The following PCDHGA1 variants were observed in gnomAD, a reference collection of about 807,000 sequenced individuals.
PCDHGA1 encodes the protein protocadherin gamma-A1.
In PCDHGA1, 32 loss-of-function variants were observed where a neutral mutation model predicts 58.0. That is an observed-to-expected ratio of 0.55 (90% CI 0.42 to 0.74). PCDHGA1 has a LOEUF of 0.74. Ranked by LOEUF, PCDHGA1 falls within the 30% of genes least tolerant of loss-of-function variation. PCDHGA1 has a pLI of 0.00. For missense variants in PCDHGA1, 1,205 were observed against 1,182.3 expected (o/e 1.02, Z -0.28); for synonymous variants, 498 against 501.1 (o/e 0.99, Z 0.08).
At chr5:141,374,857 C>T in intron 1 of PCDHGA1, 1 of 1,613,768 alleles carries the variant, frequency 6.2e-7, no homozygotes, top group East Asian at 2.2e-5. Context: ...TGCCAGTAGG[C>T]ACACCAGTGT....
chr5:141,362,138 T>A, intron 1 of PCDHGA1: 2 of 1,614,032 alleles, frequency 1.2e-6, no homozygotes, highest in Non-Finnish European at 1.7e-6. Flanking sequence ...GCGGATAGCC[T>A]GCAAGAGGTA....
intron 1 of PCDHGA1, chr5:141,350,977 T>A: frequency 6.2e-7 from 1 of 1,614,064 alleles, no homozygotes; most frequent in Non-Finnish European, 8.5e-7. Flanking sequence ...CTCCCGTGTT[T>A]AGCCAGGAGG....
chr5:141,393,947 G>C, intron 1 of PCDHGA1: 1 of 1,613,972 alleles, frequency 6.2e-7, no homozygotes, highest in South Asian at 1.1e-5. Context: ...ACTCTGGAAA[G>C]AATGGTCAAG....
chr5:141,351,239 T>C (rs1370270183), intron 1 of PCDHGA1: 4 of 1,613,940 alleles, frequency 2.5e-6, no homozygotes, highest in Non-Finnish European at 3.4e-6. Flanking sequence ...CACAGCTCAC[T>C]GTAATGTTCA....
At chr5:141,418,752 C>T (rs2096284996) in intron 1 of PCDHGA1, 1 of 1,613,874 alleles carries the variant, frequency 6.2e-7, no homozygotes, top group African/African-American at 1.3e-5. Flanking sequence ...GATTACACTA[C>T]AGGAAACATT....
chr5:141,344,968 C>T lies in PCDHGA1; in HGVS notation c.2421+11863C>T, dbSNP rs761849653. ...TTAAAAAGTCTAGATTATGAGGATG[C>T]CATGTTCTATGAAATTAAAATTGAA... is the stretch of plus-strand genomic sequence containing the variant. On this transcript the variant is annotated intron_variant, in intron 1 of 3. Coordinates refer to ENST00000517417, the MANE Select transcript of PCDHGA1 (RefSeq NM_018912.3). 3.1e-6 allele frequency: 5 copies of T among 1,613,558 alleles called. No homozygotes were observed. In the South Asian group the frequency reaches 4.4e-5, roughly 14 times the overall value.
intron 1 of PCDHGA1, chr5:141,403,714 C>A: frequency 1.2e-6 from 2 of 1,613,910 alleles, no homozygotes; most frequent in South Asian, 1.1e-5. Context: ...TCCTTGAGAA[C>A]GTGCCCCCAG....
In PCDHGA1 at chr5:141,491,359, G is replaced by C. The variant is rs764159829; in HGVS notation, c.2422-3448G>C. 3 of 1,614,154 alleles carry C rather than the reference G, an allele frequency of 1.9e-6. No homozygotes were observed. In the East Asian group the frequency reaches 6.7e-5, roughly 36 times the overall value. On this transcript the variant is annotated intron_variant, in intron 1 of 3. Coordinates refer to ENST00000517417, the MANE Select transcript of PCDHGA1 (RefSeq NM_018912.3). This position sits in a 1 kb window ranked among gnomAD's most constrained non-coding sequence, Gnocchi z 6.9. ...AGCGACCGTCAGTCTCTTATCCCTA[G>C]TCACCTTCACCTTTCTGTCAGCGAA...
At position 141,414,031 on chromosome 5, in the gene PCDHGA1, C is replaced by G. The variant is rs900884760; in HGVS notation, c.2422-80776C>G. The G allele has an allele frequency of 1.2e-6, 2 of 1,611,740 alleles. No homozygotes were observed. The highest frequency in any genetic ancestry group is 2.7e-5 in the African/African-American group (2 of 74,762). On this transcript the variant is annotated intron_variant, in intron 1 of 3. Coordinates refer to ENST00000517417, the MANE Select transcript of PCDHGA1 (RefSeq NM_018912.3). ...CAATGGAGAAGTGACATATTCATTC[C>G]GAAAATTACCTGACACGCAATTGTT... is the stretch of plus-strand genomic sequence containing the variant.
rs1416883218 is a variant in PCDHGA1, at chr5:141,428,027, G to A, written c.2422-66780G>A. On this transcript the variant is annotated intron_variant, in intron 1 of 3. Coordinates refer to ENST00000517417, the MANE Select transcript of PCDHGA1 (RefSeq NM_018912.3). ...TCGATATAGTGCCACGCGCCGCAGAGTCCGGCTACCTGGTGACCAAGGTGG... is the reference window on the plus strand; with the variant it reads ...TCGATATAGTGCCACGCGCCGCAGAATCCGGCTACCTGGTGACCAAGGTGG... 1.9e-6 allele frequency: 3 copies of A among 1,606,742 alleles called. No homozygotes were observed. The Admixed American group carries it at 5.0e-5, about 27-fold the overall frequency.
At chr5:141,447,197 T>C (rs1249080495) in intron 1 of PCDHGA1, among the ~76,000 whole-genome samples, 7 of 152,188 alleles carry the variant, frequency 4.6e-5, no homozygotes, top group Admixed American at 4.6e-4. Context: ...TGGAGTGCAA[T>C]GGCTTGATCT....
chr5:141,458,718 C>T (rs569153299), intron 1 of PCDHGA1, among the ~76,000 whole-genome samples: 3 of 151,942 alleles, frequency 2.0e-5, no homozygotes, highest in African/African-American at 4.8e-5. Context: ...TACAGGTATT[C>T]GCCACCACAT....
chr5:141,405,242 A>G, intron 1 of PCDHGA1: 1 of 1,614,156 alleles, frequency 6.2e-7, no homozygotes, highest in Non-Finnish European at 8.5e-7. Flanking sequence ...CGCTGACTCA[A>G]GGAAGAGTCA....
Position 141,510,980 on chromosome 5 carries a change from G to C in PCDHGA1, c.2603G>C (p.Gly868Ala), listed in dbSNP as rs1466168256. 12 of 1,614,170 alleles carry C rather than the reference G, an allele frequency of 7.4e-6. No individual in the cohort carries two copies. The highest frequency in any genetic ancestry group is 9.3e-6 in the Non-Finnish European group (11 of 1,180,014). ...AADGSSTLGG[G>A]AGTMGLSARY... ...GATGGGAGCTCCACCCTGGGAGGGG[G>C]TGCCGGCACCATGGGATTGAGCGCC... is the stretch of plus-strand genomic sequence containing the variant. Residue 868 changes from glycine (G) to alanine (A), a missense_variant, in exon 4 of 4, where the codon GGT becomes GCT. By Grantham distance (60) the Gly-to-Ala change is moderately conservative (BLOSUM62 0). Transcript: ENST00000517417.
intron 1 of PCDHGA1, chr5:141,478,292 CTATA>C (rs1257685524): frequency 6.2e-7 from 1 of 1,614,146 alleles, no homozygotes; most frequent in Admixed American, 1.7e-5. Flanking sequence ...GTCTAGAGAC[CTATA>C]CCGAGCCCCG....
chr5:141,467,129 T>G (rs2099137740), intron 1 of PCDHGA1, among the ~76,000 whole-genome samples: 1 of 151,826 alleles, frequency 6.6e-6, no homozygotes, highest in Non-Finnish European at 1.5e-5. Context: ...CTCAGCTCAC[T>G]GCAACCTCTG....
chr5:141,452,358 T>C (rs2098739424), intron 1 of PCDHGA1, among the ~76,000 whole-genome samples: 1 of 152,236 alleles, frequency 6.6e-6, no homozygotes, highest in African/African-American at 2.4e-5. Context: ...CCAAAAGCCT[T>C]GCTTCATTTT....
chr5:141,404,119 T>G, intron 1 of PCDHGA1: 1 of 1,613,504 alleles, frequency 6.2e-7, no homozygotes, highest in Non-Finnish European at 8.5e-7. Flanking sequence ...TCCAGGAGAA[T>G]CTATCTTTTA....
chr5:141,462,781 G>A (rs893647456), intron 1 of PCDHGA1, among the ~76,000 whole-genome samples: 7 of 152,102 alleles, frequency 4.6e-5, no homozygotes, highest in African/African-American at 1.7e-4. Context: ...GTCATAATTT[G>A]TTGCTTATTT....
Sources: allele counts gnomAD v4.1 joint callset (sites outside exome capture counted in the v4.1 genomes callset), GRCh38; gene constraint gnomAD v4.1.1; non-coding constraint Gnocchi (gnomAD v3.1); transcripts MANE v1.5; gene names NCBI Gene and HGNC (gene_info 2026-07-23, HGNC 2026-07-21).